Variants in NALF1 observed in about 807,000 individuals in gnomAD.
NALF1 encodes the protein family with sequence similarity 155 member A.
A neutral mutation model predicts 48.4 loss-of-function variants in NALF1; 3 were observed. That is an observed-to-expected ratio of 0.06 (90% CI 0.03 to 0.16). The LOEUF is 0.16. NALF1 is among the 10% of genes least tolerant of loss of function. NALF1 has a pLI of 1.00. For missense variants in NALF1, 526 were observed against 571.5 expected, an observed-to-expected ratio of 0.92 and a Z score of 0.81; for synonymous variants, 262 against 245.7, an observed-to-expected ratio of 1.07 and a Z score of -0.62.
rs999672598 is a variant in NALF1, at chr13:107,166,729, C to T, written c.*3768G>A. On this transcript the variant is annotated 3_prime_UTR_variant, in exon 3 of 3. Transcript: ENST00000375915. ...ATGTACTTATTCATTCATATGAAACCTCCTTTCCCCCTCATTCCCCGACTC... is the reference window on the plus strand; with the variant it reads ...ATGTACTTATTCATTCATATGAAACTTCCTTTCCCCCTCATTCCCCGACTC... 1.3e-5 allele frequency: 2 copies of T among 151,924 alleles called. No homozygotes were observed. The highest frequency in any genetic ancestry group is 2.4e-5 in the African/African-American group (1 of 41,340). The allele number at this position is 151,924 out of a possible 1,614,324, so 9.4% of individuals were successfully genotyped here.
chr13:107,271,569 A>AACCAG lies in NALF1; in HGVS notation c.916-60815_916-60814insCTGGT, dbSNP rs1881165017. On this transcript the variant is annotated intron_variant, in intron 1 of 2. Transcript: ENST00000375915. The stretch of plus-strand genomic sequence containing the variant: ...GGCTGAGACCCTGAGCTGAGAACTC[A>AACCAG]GCCAGGCTGTGCTCAGGTATTGCAA... Among the ~76,000 whole-genome samples, 3 of 86,942 alleles carry AACCAG rather than the reference A, an allele frequency of 3.5e-5. No homozygotes were observed. The East Asian group carries it at 1.0e-3, about 30-fold the overall frequency. The allele number at this position is 86,942 out of a possible 152,430, so 57.0% of individuals were successfully genotyped here.
At chr13:107,174,602 G>T (rs549623926) in intron 2 of NALF1, among the ~76,000 whole-genome samples, 2 of 151,984 alleles carry the variant, frequency 1.3e-5, no homozygotes, top group Non-Finnish European at 2.9e-5. Flanking sequence ...TGATCCACCC[G>T]CCTCGGCCTC....
chr13:107,567,889 T>C, intron 1 of NALF1, among the ~76,000 whole-genome samples: 1 of 152,234 alleles, frequency 6.6e-6, no homozygotes, highest in East Asian at 1.9e-4. Context: ...TGTATCCTTT[T>C]GAGAAGGGCT....
rs150349397 is a variant in NALF1 at position 107,492,221 on chromosome 13, T to C, written c.916-281466A>G. Among the ~76,000 whole-genome samples, 1,060 of 151,972 alleles carry C rather than the reference T, an allele frequency of 7.0e-3. 39 individuals are homozygous for C. In the East Asian group the frequency reaches 0.11, roughly 16 times the overall value. ...TCCCACCACCACACCCGGCTAATTT[T>C]GTATATTTAGTAGAGATGGGTGTCA... is the stretch of plus-strand genomic sequence containing the variant. On this transcript the variant is annotated intron_variant, in intron 1 of 2. Coordinates refer to ENST00000375915, the MANE Select transcript of NALF1 (RefSeq NM_001080396.3).
intron 1 of NALF1, among the ~76,000 whole-genome samples, chr13:107,826,205 T>G (rs74112658): frequency 0.014 from 2,130 of 152,360 alleles, 35 homozygotes; most frequent in African/African-American, 0.031. Flanking sequence ...AGACGGAACA[T>G]TCATTTGAGA....
chr13:107,728,185 G>C (rs1245787914), intron 1 of NALF1, among the ~76,000 whole-genome samples: 1 of 152,172 alleles, frequency 6.6e-6, no homozygotes, highest in Non-Finnish European at 1.5e-5. Flanking sequence ...CCATTACTGG[G>C]TATATACCCA....
At chr13:107,860,480 C>G (rs573335502) in intron 1 of NALF1, among the ~76,000 whole-genome samples, 1 of 152,276 alleles carries the variant, frequency 6.6e-6, no homozygotes. Context: ...AGCCCAGACC[C>G]ATGACACCGG....
rs541525552 is a variant in NALF1, at chr13:107,537,427, G to C, written c.916-326672C>G. On this transcript the variant is annotated intron_variant, in intron 1 of 2. Coordinates refer to ENST00000375915, the MANE Select transcript of NALF1 (RefSeq NM_001080396.3). ...ATCAATTTTTCATCATGCCAATGAA[G>C]GATATGAATGGAACTGAGATTTGTT... Among the ~76,000 whole-genome samples, 6 of 152,190 alleles carry C rather than the reference G, an allele frequency of 3.9e-5. 1 individual carries two copies. The highest frequency in any genetic ancestry group is 1.4e-4 in the African/African-American group (6 of 41,544).
chr13:107,400,131 A>G (rs1883780066), intron 1 of NALF1, among the ~76,000 whole-genome samples: 2 of 152,152 alleles, frequency 1.3e-5, no homozygotes, highest in Non-Finnish European at 2.9e-5. Context: ...ATTGTTAACT[A>G]AAGGATTCAC....
At chr13:107,396,531 G>C (rs1386201739) in intron 1 of NALF1, among the ~76,000 whole-genome samples, 1 of 152,162 alleles carries the variant, frequency 6.6e-6, no homozygotes, top group Non-Finnish European at 1.5e-5. Flanking sequence ...CCGGGGGACT[G>C]AGTGGCTACT....
chr13:107,707,595 G>C (rs778075063), intron 1 of NALF1, among the ~76,000 whole-genome samples: 1 of 152,284 alleles, frequency 6.6e-6, no homozygotes, highest in South Asian at 2.1e-4. Context: ...TGAGCCAAGC[G>C]GGCAGGAATG....
chr13:107,357,139 T>C (rs900461061), intron 1 of NALF1, among the ~76,000 whole-genome samples: 2 of 152,098 alleles, frequency 1.3e-5, no homozygotes, highest in Non-Finnish European at 2.9e-5. Context: ...TACCCGAGAC[T>C]GGGTAATTTA....
intron 1 of NALF1, among the ~76,000 whole-genome samples, chr13:107,328,311 C>CAT (rs1882405144): frequency 1.3e-5 from 2 of 150,976 alleles, no homozygotes; most frequent in African/African-American, 4.9e-5. Context: ...CACACACACA[C>CAT]ACACTTTTGT....
chr13:107,858,830 G>A (rs1418133993), intron 1 of NALF1, among the ~76,000 whole-genome samples: 2 of 152,174 alleles, frequency 1.3e-5, no homozygotes, highest in Admixed American at 1.3e-4. Flanking sequence ...AATAGTTTCT[G>A]ACATCTAATA....
Position 107,235,723 on chromosome 13 carries a change from G to A in NALF1, c.916-24968C>T, listed in dbSNP as rs547187382. 3.3e-5 allele frequency among the ~76,000 whole-genome samples: 5 copies of A among 152,292 alleles called. No homozygotes were observed. The South Asian group carries it at 8.3e-4, about 25-fold the overall frequency. ...TTGGAACCCATCGATACAGAGGGCT[G>A]TCTGTCATTTGTTTGCCTGTGTGAT... On this transcript the variant is annotated intron_variant, in intron 1 of 2. Coordinates refer to ENST00000375915, the MANE Select transcript of NALF1 (RefSeq NM_001080396.3).
intron 1 of NALF1, among the ~76,000 whole-genome samples, chr13:107,710,555 T>A (rs992078987): frequency 6.7e-6 from 1 of 149,356 alleles, no homozygotes. Context: ...GCAAAGGGGA[T>A]GCAAGGCACC....
intron 1 of NALF1, among the ~76,000 whole-genome samples, chr13:107,602,179 A>G (rs1401193640): frequency 1.3e-5 from 2 of 152,144 alleles, no homozygotes; most frequent in African/African-American, 4.8e-5. Flanking sequence ...GTAATAAATG[A>G]CAGGTTTGGC....
intron 1 of NALF1, among the ~76,000 whole-genome samples, chr13:107,624,583 T>C (rs1475215520): frequency 6.6e-6 from 1 of 152,192 alleles, no homozygotes; most frequent in African/African-American, 2.4e-5. Flanking sequence ...ATCATTTTAA[T>C]AGCAGCAGAG....
intron 1 of NALF1, among the ~76,000 whole-genome samples, chr13:107,857,311 C>A (rs1880463289): frequency 6.6e-6 from 1 of 152,200 alleles, no homozygotes; most frequent in East Asian, 1.9e-4. Context: ...ACAACAGAGA[C>A]AACCAACCAT....
Sources: gnomAD v4.1 joint callset for allele counts (sites outside exome capture counted in the v4.1 genomes callset) on GRCh38, gnomAD v4.1.1 for gene constraint, MANE v1.5 for transcripts, NCBI Gene and HGNC (gene_info 2026-07-23, HGNC 2026-07-21) for gene names.